The following SIK3 variants were observed in gnomAD, a reference collection of about 807,000 sequenced individuals.
SIK3 encodes SIK family kinase 3.
SIK3 carries 28 observed loss-of-function variants against 144.2 expected under a neutral mutation model. The observed-to-expected ratio is 0.19, with a 90% confidence interval of 0.14 to 0.27. SIK3 has a LOEUF of 0.27. Among genes scored for constraint, SIK3 ranks in the 10% least tolerant of loss-of-function variants. SIK3 has a pLI of 1.00. For missense variants in SIK3, 1,319 were observed against 1,776.0 expected (o/e 0.74, Z 4.62); for synonymous variants, 686 against 676.3 (o/e 1.01, Z -0.22).
chr11:117,058,016 T>C (rs1953617009), intron 1 of SIK3, among the ~76,000 whole-genome samples: 2 of 152,144 alleles, frequency 1.3e-5, no homozygotes, highest in East Asian at 1.9e-4. Flanking sequence ...GAAAACTTTC[T>C]TGAGAAAGGA....
In SIK3 at chr11:117,056,047, T is replaced by C. The variant is rs1953501773; in HGVS notation, c.273+42096A>G. On this transcript the variant is annotated intron_variant, in intron 1 of 24. Coordinates refer to ENST00000445177, the MANE Select transcript of SIK3 (RefSeq NM_001366686.3). ...AGAACTGACAGCAACCAAAGCTCTA[T>C]CAGTTTGGAGGATGTGCTACAGGAT... Among the ~76,000 whole-genome samples the C allele has an allele frequency of 2.0e-5, 3 of 152,102 alleles. No individual in the cohort carries two copies. The South Asian group carries it at 6.2e-4, about 32-fold the overall frequency.
intron 1 of SIK3, among the ~76,000 whole-genome samples, chr11:116,988,244 G>A (rs953112750): frequency 5.3e-5 from 8 of 151,842 alleles, no homozygotes; most frequent in Non-Finnish European, 8.8e-5. Flanking sequence ...AAAATTAGCC[G>A]GCACGGTGGC....
At chr11:116,931,105 CT>C (rs2135166950) in intron 3 of SIK3, among the ~76,000 whole-genome samples, 1 of 152,334 alleles carries the variant, frequency 6.6e-6, no homozygotes, top group South Asian at 2.1e-4. Context: ...CATTGGTCTT[CT>C]TTAATCTTTT....
intron 1 of SIK3, among the ~76,000 whole-genome samples, chr11:117,081,068 G>T (rs1379866441): frequency 6.6e-6 from 1 of 151,960 alleles, no homozygotes; most frequent in African/African-American, 2.4e-5. Context: ...CAAGGACAAA[G>T]TGTACTGACA....
At chr11:116,877,230 A>G (rs557840291) in intron 6 of SIK3, among the ~76,000 whole-genome samples, 188 bp from the exon 7 acceptor site, 2 of 152,144 alleles carry the variant, frequency 1.3e-5, no homozygotes, top group East Asian at 3.9e-4. Flanking sequence ...AGGCAGAGAG[A>G]GGTGGAGAAA....
At chr11:116,948,438 C>G (rs186010033) in intron 3 of SIK3, among the ~76,000 whole-genome samples, 1 of 151,944 alleles carries the variant, frequency 6.6e-6, no homozygotes, top group Non-Finnish European at 1.5e-5. Flanking sequence ...CTACCACATC[C>G]GGCTAATTTT....
At chr11:117,050,735 G>GT (rs915064220) in intron 1 of SIK3, among the ~76,000 whole-genome samples, 41 of 151,300 alleles carry the variant, frequency 2.7e-4, no homozygotes, top group African/African-American at 6.5e-4. Context: ...TAAATAAATA[G>GT]TTTTTTTTTA....
chr11:116,883,859 G>A (rs1303061526), intron 6 of SIK3, among the ~76,000 whole-genome samples: 16 of 152,006 alleles, frequency 1.1e-4, no homozygotes, highest in East Asian at 9.7e-4. Flanking sequence ...ACTTGAACCC[G>A]GGAGGCAGAG....
chr11:116,978,287 A>G (rs777937093), intron 1 of SIK3, among the ~76,000 whole-genome samples: 13 of 152,224 alleles, frequency 8.5e-5, no homozygotes, highest in Admixed American at 7.9e-4. Context: ...GTTCCTTTCA[A>G]CAACAAGCTT....
rs1343839808 is a variant in SIK3, at chr11:116,859,452, G to C, written c.2578C>G (p.Gln860Glu). The change falls in exon 20 of 25, where the codon CAA becomes GAA. Residue 860 changes from glutamine to glutamate, a missense_variant. Gln to Glu is a conservative substitution (Grantham distance 29, BLOSUM62 2). Coordinates refer to ENST00000445177, the MANE Select transcript of SIK3 (RefSeq NM_001366686.3). ...TTGCTGAGCATGTCAACAGGCTCTT[G>C]GACTTGGATGGTGACCTGCTGTGAC... ...AQSQQVTIQV[Q>E]EPVDMLSNMP... 6.2e-7 allele frequency: 1 copy of C among 1,614,198 alleles called. No individual in the cohort carries two copies. Among genetic ancestry groups the C allele is most frequent in the African/African-American group, 1.3e-5 (1 of 75,052 alleles).
chr11:117,032,691 A>T (rs550511299), intron 1 of SIK3, among the ~76,000 whole-genome samples: 3,008 of 147,210 alleles, frequency 0.02, 32 homozygotes, highest in Non-Finnish European at 0.029. Context: ...TTTTTTTTTT[A>T]AAAGAGATGG....
At chr11:116,866,989 C>G (rs1168372609) in intron 15 of SIK3, among the ~76,000 whole-genome samples, 1 of 152,142 alleles carries the variant, frequency 6.6e-6, no homozygotes. Flanking sequence ...TATGTTGATG[C>G]CAAATGGGTA....
At chr11:116,991,372 G>A (rs565612007) in intron 1 of SIK3, among the ~76,000 whole-genome samples, 19 of 152,242 alleles carry the variant, frequency 1.2e-4, no homozygotes, top group Admixed American at 5.9e-4. Context: ...ACTTGAACCC[G>A]GGAGGCGAAG....
intron 1 of SIK3, among the ~76,000 whole-genome samples, chr11:116,960,023 A>G (rs533203671): frequency 2.0e-5 from 3 of 152,344 alleles, no homozygotes; most frequent in Non-Finnish European, 4.4e-5. Flanking sequence ...ATGCAGCAAA[A>G]TATCAAATGT....
At chr11:116,870,100 T>G in intron 14 of SIK3, 1 of 1,504,650 alleles carries the variant, frequency 6.6e-7, no homozygotes. Flanking sequence ...AAAGTTCTTA[T>G]GGTTATTGCT....
chr11:117,045,150 C>G (rs1011025058), intron 1 of SIK3, among the ~76,000 whole-genome samples: 1 of 152,160 alleles, frequency 6.6e-6, no homozygotes, highest in African/African-American at 2.4e-5. Flanking sequence ...AATCAGTCTT[C>G]TATTCTAAGA....
intron 1 of SIK3, among the ~76,000 whole-genome samples, chr11:116,997,802 G>A (rs1309454275): frequency 6.6e-6 from 1 of 152,204 alleles, no homozygotes; most frequent in Non-Finnish European, 1.5e-5. Context: ...GACCAGGACA[G>A]TCAAGAAGGG....
At chr11:116,922,398 G>A (rs1947035895) in intron 4 of SIK3, among the ~76,000 whole-genome samples, 2 of 152,156 alleles carry the variant, frequency 1.3e-5, no homozygotes, top group South Asian at 4.1e-4. Context: ...GGCTGAGGCA[G>A]GAGGATCACT....
At chr11:116,956,331 A>G (rs886848381) in intron 2 of SIK3, among the ~76,000 whole-genome samples, 14 of 148,418 alleles carry the variant, frequency 9.4e-5, no homozygotes, top group Non-Finnish European at 2.1e-4. Context: ...TTTCTTGGGA[A>G]GACCAAAAAA....
Sources: gnomAD v4.1 joint callset for allele counts (sites outside exome capture counted in the v4.1 genomes callset) on GRCh38, gnomAD v4.1.1 for gene constraint, MANE v1.5 for transcripts, NCBI Gene and HGNC (gene_info 2026-07-23, HGNC 2026-07-21) for gene names.